CENPW: variants seen among roughly 807,000 people sequenced by gnomAD.
CENPW encodes cancer-up-regulated gene 2 protein.
CENPW carries 3 observed loss-of-function variants against 11.1 expected under a neutral mutation model. That is an observed-to-expected ratio of 0.27 (90% CI 0.12 to 0.70). CENPW has a LOEUF of 0.70. Among genes scored for constraint, CENPW ranks in the 30% least tolerant of loss-of-function variants. The probability of loss-of-function intolerance (pLI) is 0.77; values close to 1 mark genes in which losing one functional copy is unlikely to be tolerated. For missense variants in CENPW, 100 were observed against 105.6 expected, an observed-to-expected ratio of 0.95 and a Z score of 0.23; for synonymous variants, 38 against 42.0, an observed-to-expected ratio of 0.91 and a Z score of 0.37.
chr6:126,342,512 C>T (rs780340861), intron 1 of CENPW, among the ~76,000 whole-genome samples: 3 of 152,070 alleles, frequency 2.0e-5, no homozygotes, highest in Non-Finnish European at 4.4e-5. Flanking sequence ...TTTTCTGTCT[C>T]CCATTATCTT....
chr6:126,410,687 C>T, the CENPW span, among the ~76,000 whole-genome samples: 2 of 151,674 alleles, frequency 1.3e-5, no homozygotes, highest in African/African-American at 2.4e-5. Context: ...TTACCTTACT[C>T]TTTTTCATTT....
chr6:126,346,020 T>G (rs914248973), intron 1 of CENPW, among the ~76,000 whole-genome samples, 185 bp from the exon 2 acceptor site: 1 of 152,226 alleles, frequency 6.6e-6, no homozygotes, highest in Admixed American at 6.5e-5. Context: ...CGAAGTCTCT[T>G]TGCAGGGAAT....
At chr6:126,379,322 TGA>T in the CENPW span, among the ~76,000 whole-genome samples, 2 of 152,190 alleles carry the variant, frequency 1.3e-5, no homozygotes, top group Admixed American at 1.3e-4. Context: ...TTTTAAATTA[TGA>T]GGTGAAAGCT....
the CENPW span, among the ~76,000 whole-genome samples, chr6:126,362,386 T>C: frequency 6.6e-6 from 1 of 152,140 alleles, no homozygotes; most frequent in Non-Finnish European, 1.5e-5. Context: ...CAGTGGTCTG[T>C]AGTGAGATTG....
chr6:126,361,198 T>C, the CENPW span, among the ~76,000 whole-genome samples: 1 of 152,270 alleles, frequency 6.6e-6, no homozygotes, highest in Non-Finnish European at 1.5e-5. Context: ...TTTGGTGTTA[T>C]AGTTTCAGCT....
the CENPW span, among the ~76,000 whole-genome samples, chr6:126,405,868 T>G: frequency 6.6e-6 from 1 of 152,132 alleles, no homozygotes; most frequent in African/African-American, 2.4e-5. Context: ...TTGATTTTGC[T>G]TATCAATTCT....
At chr6:126,363,486 A>G in the CENPW span, among the ~76,000 whole-genome samples, 83 of 152,344 alleles carry the variant, frequency 5.4e-4, no homozygotes, top group African/African-American at 1.8e-3. Flanking sequence ...TATGTTAACT[A>G]TATAGCACCT....
chr6:126,411,873 T>C, the CENPW span, among the ~76,000 whole-genome samples: 1 of 151,790 alleles, frequency 6.6e-6, no homozygotes. Flanking sequence ...CCTTTTTTCC[T>C]TCCTTCCGTC....
chr6:126,468,240 G>T, the CENPW span, among the ~76,000 whole-genome samples: 2 of 151,914 alleles, frequency 1.3e-5, no homozygotes, highest in Middle Eastern at 6.8e-3. Context: ...GACCAACATG[G>T]AGAAACCCCA....
At chr6:126,361,031 A>G in the CENPW span, among the ~76,000 whole-genome samples, 2 of 152,096 alleles carry the variant, frequency 1.3e-5, no homozygotes, top group African/African-American at 4.8e-5. Flanking sequence ...ATTCTTTCTC[A>G]TCTGGAGGGG....
downstream of CENPW, among the ~76,000 whole-genome samples, chr6:126,349,352 G>A (rs898329305): frequency 6.6e-6 from 1 of 152,066 alleles, no homozygotes; most frequent in Non-Finnish European, 1.5e-5. Context: ...ATTTTATGGT[G>A]TAGATTTGTT....
At chr6:126,466,085 T>G in the CENPW span, among the ~76,000 whole-genome samples, 1 of 152,082 alleles carries the variant, frequency 6.6e-6, no homozygotes, top group African/African-American at 2.4e-5. Flanking sequence ...CTGTATATAG[T>G]AGTGCTGAAT....
the CENPW span, among the ~76,000 whole-genome samples, chr6:126,396,528 G>T: frequency 6.6e-6 from 1 of 152,180 alleles, no homozygotes; most frequent in Non-Finnish European, 1.5e-5. Flanking sequence ...CCAAGAGCTT[G>T]CTTGGTCCTC....
chr6:126,429,137 C>T, the CENPW span, among the ~76,000 whole-genome samples: 2 of 152,004 alleles, frequency 1.3e-5, no homozygotes, highest in Non-Finnish European at 2.9e-5. Context: ...CTTGATTAAT[C>T]TCTTTTGTTA....
At chr6:126,399,458 A>T in the CENPW span, among the ~76,000 whole-genome samples, 1 of 152,160 alleles carries the variant, frequency 6.6e-6, no homozygotes, top group Non-Finnish European at 1.5e-5. Flanking sequence ...GGCTTTAAAT[A>T]GAAAATCTAT....
chr6:126,359,343 G>C, the CENPW span, among the ~76,000 whole-genome samples: 1 of 151,346 alleles, frequency 6.6e-6, no homozygotes, highest in East Asian at 1.9e-4. Context: ...TTATGACAGC[G>C]TGTGGCCGAT....
At chr6:126,371,737 A>C in the CENPW span, among the ~76,000 whole-genome samples, 5 of 152,084 alleles carry the variant, frequency 3.3e-5, no homozygotes, top group African/African-American at 7.2e-5. Flanking sequence ...TATTTTTAAA[A>C]TTTGTATTTT....
chr6:126,430,410 T>C, the CENPW span, among the ~76,000 whole-genome samples: 1 of 152,218 alleles, frequency 6.6e-6, no homozygotes, highest in Non-Finnish European at 1.5e-5. Flanking sequence ...TATGATCCAT[T>C]CAAATAAAAT....
At chr6:126,476,061 C>A in the CENPW span, among the ~76,000 whole-genome samples, 2 of 151,524 alleles carry the variant, frequency 1.3e-5, no homozygotes, top group East Asian at 3.9e-4. Flanking sequence ...TACCAGACTG[C>A]CAGTACATTT....
Sources: gnomAD v4.1 joint callset for allele counts (sites outside exome capture counted in the v4.1 genomes callset) on GRCh38, gnomAD v4.1.1 for gene constraint, MANE v1.5 for transcripts, NCBI Gene and HGNC (gene_info 2026-07-23, HGNC 2026-07-21) for gene names.